The following SLIT1 variants were observed in gnomAD, a reference collection of about 807,000 sequenced individuals.
The protein encoded by SLIT1 is slit guidance ligand 1, also known as slit homolog 1 protein.
In SLIT1, 66 loss-of-function variants were observed where a neutral mutation model predicts 186.1. That is an observed-to-expected ratio of 0.35 (90% CI 0.29 to 0.44). SLIT1 has a LOEUF of 0.44. Ranked by LOEUF, SLIT1 falls within the 20% of genes least tolerant of loss-of-function variation. The pLI is 1.00. For synonymous variants in SLIT1, 761 were observed against 833.8 expected (o/e 0.91, Z 1.50); for missense variants, 1,638 against 2,037.4 (o/e 0.80, Z 3.77).
rs7899207 is a variant in SLIT1, at chr10:97,049,437, C to T, written c.1302-319G>A. On this transcript the variant is annotated intron_variant, in intron 13 of 36. Coordinates refer to ENST00000266058, the MANE Select transcript of SLIT1 (RefSeq NM_003061.3). ...CCTCTCTCTGCCCTGGGACATTTCA[C>T]GAGCACGAGCGGAGACAGGAAGGAC... Among the ~76,000 whole-genome samples the T allele has an allele frequency of 5.4e-3, 829 of 152,342 alleles. 6 individuals are homozygous for T. Among genetic ancestry groups the T allele is most frequent in the African/African-American group, 0.019 (795 of 41,582 alleles).
At chr10:97,126,615 A>T (rs1372702753) in intron 4 of SLIT1, among the ~76,000 whole-genome samples, 1 of 152,182 alleles carries the variant, frequency 6.6e-6, no homozygotes. Context: ...TTGTTGACTG[A>T]CAGATTCCAA....
chr10:97,171,325 T>C (rs950087795), intron 1 of SLIT1, among the ~76,000 whole-genome samples: 1 of 152,126 alleles, frequency 6.6e-6, no homozygotes, highest in African/African-American at 2.4e-5. Context: ...ACCTGCCAGC[T>C]GCAACACCCG....
At chr10:97,179,086 A>G (rs1278870670) in intron 1 of SLIT1, among the ~76,000 whole-genome samples, 1 of 151,980 alleles carries the variant, frequency 6.6e-6, no homozygotes, top group Non-Finnish European at 1.5e-5. Context: ...TTTAAGCCCC[A>G]GTTCAAACCC....
At position 97,056,380 on chromosome 10, in the gene SLIT1, G is replaced by A. The variant is rs1848836524; in HGVS notation, c.1242C>T (p.Asp414=). ...LQNLSLLSLY[D]NKIQSLAKGT... ...CCTTGGCGAGGCTCTGGATCTTGTT[G>A]TCATACAGGGAGAGCAGTGAGAGGT... is the stretch of plus-strand genomic sequence containing the variant. The change falls in exon 13 of 37, where the codon GAC becomes GAT. Residue 414 remains aspartate (D), a synonymous_variant. Coordinates refer to ENST00000266058, the MANE Select transcript of SLIT1 (RefSeq NM_003061.3). 1 of 1,614,214 alleles carries A rather than the reference G, an allele frequency of 6.2e-7. No homozygotes were observed. The highest frequency in any genetic ancestry group is 8.5e-7 in the Non-Finnish European group (1 of 1,180,030).
intron 34 of SLIT1, among the ~76,000 whole-genome samples, chr10:97,003,628 T>A (rs1848332153): frequency 6.6e-6 from 1 of 151,562 alleles, no homozygotes; most frequent in Non-Finnish European, 1.5e-5. Flanking sequence ...GTAGACGGGG[T>A]CATCTAGCCT....
At chr10:97,056,712 G>T (rs1002748784) in intron 12 of SLIT1, among the ~76,000 whole-genome samples, 1 of 152,224 alleles carries the variant, frequency 6.6e-6, no homozygotes, top group African/African-American at 2.4e-5. Context: ...TGCTAGAGAT[G>T]CCCTGTGGGA....
At chr10:97,166,554 GGAA>G (rs1850112471) in intron 1 of SLIT1, among the ~76,000 whole-genome samples, 6 of 35,330 alleles carry the variant, frequency 1.7e-4, no homozygotes, top group South Asian at 1.4e-3. Flanking sequence ...AAGGAAGGAA[GGAA>G]AGAGAGAGAG....
intron 4 of SLIT1, among the ~76,000 whole-genome samples, chr10:97,135,120 C>T (rs926835866): frequency 6.6e-6 from 1 of 152,142 alleles, no homozygotes; most frequent in African/African-American, 2.4e-5. Flanking sequence ...GCCTACGGGC[C>T]CAGCCTGGGG....
At chr10:97,148,130 C>T (rs1461795366) in intron 4 of SLIT1, among the ~76,000 whole-genome samples, 1 of 152,164 alleles carries the variant, frequency 6.6e-6, no homozygotes, top group African/African-American at 2.4e-5. Context: ...ACTTAACCTG[C>T]CCTCAATTCT....
chr10:97,177,004 G>T (rs1850265090), intron 1 of SLIT1, among the ~76,000 whole-genome samples: 1 of 152,150 alleles, frequency 6.6e-6, no homozygotes, highest in African/African-American at 2.4e-5. Flanking sequence ...ACTGTGCCCT[G>T]GGCACTCCAG....
At chr10:97,056,505 C>G in intron 12 of SLIT1, 41 bp from the exon 13 acceptor site, 1 of 1,607,750 alleles carries the variant, frequency 6.2e-7, no homozygotes, top group Non-Finnish European at 8.5e-7. Context: ...GAGAGAGGCT[C>G]GACCTGAGAC....
At chr10:97,095,463 C>T (rs944936833) in intron 4 of SLIT1, among the ~76,000 whole-genome samples, 7 of 152,172 alleles carry the variant, frequency 4.6e-5, no homozygotes, top group South Asian at 2.1e-4. Flanking sequence ...TTGCACCTTG[C>T]TTCCTTGCAC....
intron 3 of SLIT1, 106 bp downstream of exon 3, chr10:97,163,274 G>T (rs1457586525): frequency 4.3e-6 from 4 of 929,012 alleles, no homozygotes; most frequent in Non-Finnish European, 6.8e-6. Flanking sequence ...GCTGGGCATG[G>T]GGTCCCCTCC....
At chr10:97,103,808 G>C (rs905013169) in intron 4 of SLIT1, 1 of 152,210 alleles carries the variant, frequency 6.6e-6, no homozygotes, top group African/African-American at 2.4e-5. Context: ...TTACACGGTA[G>C]GGTCAGAGGT....
intron 3 of SLIT1, among the ~76,000 whole-genome samples, chr10:97,159,278 C>T (rs868394350): frequency 3.9e-5 from 6 of 152,180 alleles, no homozygotes; most frequent in Non-Finnish European, 7.3e-5. Context: ...CATTGGGCAC[C>T]GCCATGTTCC....
chr10:97,049,208 C>G, intron 13 of SLIT1, 90 bp from the exon 14 acceptor site: 4 of 1,461,580 alleles, frequency 2.7e-6, no homozygotes, highest in Non-Finnish European at 3.7e-6. Context: ...GTGGCTGGGG[C>G]CAAGGAGGCT....
Position 97,021,159 on chromosome 10 carries a change from C to A in SLIT1, c.2746+91G>T, listed in dbSNP as rs1848498828. On this transcript the variant is annotated intron_variant, in intron 26 of 36. Transcript: ENST00000266058. This position sits in a 1 kb window ranked among gnomAD's most constrained non-coding sequence, Gnocchi z 4.5. Reference sequence around the variant, plus strand: ...CCCCTGACCCCCCGCCCAGCGGTCACCACAGGGACGCAGGCATGTTAGGAA... The same window carrying A: ...CCCCTGACCCCCCGCCCAGCGGTCAACACAGGGACGCAGGCATGTTAGGAA... 1.5e-6 allele frequency: 2 copies of A among 1,353,700 alleles called. No individual in the cohort carries two copies. The highest frequency in any genetic ancestry group is 1.4e-5 in the African/African-American group (1 of 69,410). The allele number at this position is 1,353,700 out of a possible 1,614,324, so 83.9% of individuals were successfully genotyped here.
At chr10:97,071,365 T>C (rs2134646052) in intron 4 of SLIT1, among the ~76,000 whole-genome samples, 1 of 152,276 alleles carries the variant, frequency 6.6e-6, no homozygotes, top group South Asian at 2.1e-4. Flanking sequence ...GACCCTCATC[T>C]CAGCCCAGCC....
At chr10:97,144,342 T>G (rs1414537484) in intron 4 of SLIT1, among the ~76,000 whole-genome samples, 1 of 152,198 alleles carries the variant, frequency 6.6e-6, no homozygotes, top group East Asian at 1.9e-4. Context: ...TTCTAATTCA[T>G]GTTAATATTC....
Sources: allele counts gnomAD v4.1 joint callset (sites outside exome capture counted in the v4.1 genomes callset), GRCh38; gene constraint gnomAD v4.1.1; non-coding constraint Gnocchi (gnomAD v3.1); transcripts MANE v1.5; gene names NCBI Gene and HGNC (gene_info 2026-07-23, HGNC 2026-07-21).